The following HS6ST2 variants were observed in gnomAD, a reference collection of about 807,000 sequenced individuals.
HS6ST2 encodes heparan sulfate 6-O-sulfotransferase 2, also known as heparan-sulfate 6-O-sulfotransferase 2.
In HS6ST2, 17 loss-of-function variants were observed where a neutral mutation model predicts 33.0. The ratio of observed to expected loss-of-function variants is 0.52; its 90% CI spans 0.35 to 0.77. HS6ST2 has a LOEUF of 0.77. Ranked by LOEUF, HS6ST2 falls within the 30% of genes least tolerant of loss-of-function variation. The pLI is 0.01. For missense variants in HS6ST2, 519 were observed against 551.7 expected (o/e 0.94, Z 0.59); for synonymous variants, 248 against 237.1 (o/e 1.05, Z -0.42).
At chrX:132,669,050 A>C (rs763635565) in intron 4 of HS6ST2, 63 bp downstream of exon 4, 1 of 711,355 alleles carries the variant, frequency 1.4e-6, no homozygotes, top group South Asian at 2.5e-5. Flanking sequence ...AAATGACAAA[A>C]GGAGGACAGC....
In HS6ST2 at chrX:132,863,850, A is replaced by T. The variant is rs757895518; in HGVS notation, c.947+92958T>A. ...TAAAAATATCCATCAGTATGCAGAC[A>T]ATTAAATATTGAAGAAGGCTTACTA... On this transcript the variant is annotated intron_variant, in intron 2 of 4. Transcript: ENST00000370833. Among the ~76,000 whole-genome samples the T allele has an allele frequency of 3.6e-5, 4 of 111,757 alleles. No individual in the cohort carries two copies. The South Asian group carries it at 1.5e-3, about 43-fold the overall frequency.
intron 2 of HS6ST2, among the ~76,000 whole-genome samples, chrX:132,810,553 T>C (rs2065331403): frequency 2.7e-5 from 3 of 111,300 alleles, no homozygotes; most frequent in Admixed American, 9.6e-5. Flanking sequence ...ACTGCATTAG[T>C]GGACCCAGTG....
intron 2 of HS6ST2, among the ~76,000 whole-genome samples, chrX:132,891,421 CATGTGCACA>C (rs1308068474): frequency 2.9e-5 from 3 of 104,938 alleles, no homozygotes. Context: ...TTTTAGGGTA[CATGTGCACA>C]ATGTGCAGGT....
At chrX:132,719,962 CTG>C (rs1256951028) in intron 2 of HS6ST2, among the ~76,000 whole-genome samples, 1 of 112,511 alleles carries the variant, frequency 8.9e-6, no homozygotes, top group African/African-American at 3.2e-5. Flanking sequence ...GCCTGTCTGA[CTG>C]TGACATCCAA....
intron 2 of HS6ST2, among the ~76,000 whole-genome samples, chrX:132,807,664 C>G (rs776368671): frequency 1.8e-5 from 2 of 112,147 alleles, no homozygotes; most frequent in African/African-American, 6.5e-5. Flanking sequence ...ATTCAGGAAA[C>G]AGCTGATAGA....
intron 2 of HS6ST2, among the ~76,000 whole-genome samples, chrX:132,866,043 A>C (rs1399477480): frequency 2.7e-5 from 3 of 111,107 alleles, no homozygotes; most frequent in Non-Finnish European, 5.7e-5. Context: ...TTTAGACATG[A>C]AGTCCTTGCC....
intron 2 of HS6ST2, among the ~76,000 whole-genome samples, chrX:132,842,369 G>A (rs1207979738): frequency 2.7e-5 from 3 of 111,731 alleles, no homozygotes; most frequent in South Asian, 3.8e-4. Flanking sequence ...CATGTTCAGC[G>A]GATTGGTCCC....
chrX:132,882,322 C>T (rs1467520127), intron 2 of HS6ST2, among the ~76,000 whole-genome samples: 2 of 110,424 alleles, frequency 1.8e-5, no homozygotes, highest in African/African-American at 6.6e-5. Flanking sequence ...TTGTAGTTCT[C>T]CTTGAAGAGG....
chrX:132,906,227 T>A (rs1184702730), intron 2 of HS6ST2, among the ~76,000 whole-genome samples: 3 of 112,263 alleles, frequency 2.7e-5, no homozygotes, highest in Non-Finnish European at 5.6e-5. Context: ...TTCAAAGAGG[T>A]CTTGCATGGC....
At chrX:132,787,299 A>G (rs2148338369) in intron 2 of HS6ST2, among the ~76,000 whole-genome samples, 1 of 92,431 alleles carries the variant, frequency 1.1e-5, no homozygotes, top group East Asian at 3.3e-4. Context: ...TAATATATAT[A>G]TATATTTTTT....
chrX:132,635,562 C>A (rs187044574), intron 4 of HS6ST2, among the ~76,000 whole-genome samples: 2 of 111,687 alleles, frequency 1.8e-5, no homozygotes, highest in East Asian at 5.6e-4. Flanking sequence ...TCCCTCTATA[C>A]AAGTCTTTCT....
intron 2 of HS6ST2, among the ~76,000 whole-genome samples, chrX:132,894,495 GTTATGTT>G (rs1602831867): frequency 9.4e-6 from 1 of 106,882 alleles, no homozygotes; most frequent in African/African-American, 3.4e-5. Context: ...GTTATGTTAT[GTTATGTT>G]ATGTTATGTT....
intron 2 of HS6ST2, among the ~76,000 whole-genome samples, chrX:132,859,480 A>G (rs1468834731): frequency 9.1e-6 from 1 of 110,346 alleles, no homozygotes; most frequent in East Asian, 2.9e-4. Context: ...GAGGAAATGG[A>G]GAATTGGAGG....
chrX:132,804,792 C>T (rs996729159), intron 2 of HS6ST2, among the ~76,000 whole-genome samples: 7 of 111,343 alleles, frequency 6.3e-5, no homozygotes, highest in Non-Finnish European at 1.3e-4. Flanking sequence ...GAACAAGAAC[C>T]TATGTCAAAA....
chrX:132,865,293 C>G (rs1206279289), intron 2 of HS6ST2, among the ~76,000 whole-genome samples: 1 of 110,674 alleles, frequency 9.0e-6, no homozygotes, highest in African/African-American at 3.3e-5. Flanking sequence ...CATGTCCCTA[C>G]AAAGGACATG....
chrX:132,888,311 T>C (rs1433906204), intron 2 of HS6ST2, among the ~76,000 whole-genome samples: 1 of 111,333 alleles, frequency 9.0e-6, no homozygotes, highest in Non-Finnish European at 1.9e-5. Context: ...AGGGACATCT[T>C]ACATGGTGGC....
At chrX:132,772,726 G>A (rs2064913350) in intron 2 of HS6ST2, among the ~76,000 whole-genome samples, 1 of 89,496 alleles carries the variant, frequency 1.1e-5, no homozygotes, top group African/African-American at 4.2e-5. Context: ...TAAAAATATA[G>A]AACTACATTA....
At chrX:132,755,176 C>T (rs1484629535) in intron 2 of HS6ST2, among the ~76,000 whole-genome samples, 1 of 112,472 alleles carries the variant, frequency 8.9e-6, no homozygotes, top group East Asian at 2.8e-4. Flanking sequence ...TTAATTATAT[C>T]AGTATGGACT....
At chrX:132,633,877 ATC>A (rs2063536030) in intron 4 of HS6ST2, among the ~76,000 whole-genome samples, 1 of 111,753 alleles carries the variant, frequency 8.9e-6, no homozygotes, top group Admixed American at 9.5e-5. Context: ...GCTAAGCACG[ATC>A]TGACAAGCAA....
Sources: allele counts gnomAD v4.1 joint callset (sites outside exome capture counted in the v4.1 genomes callset), GRCh38; gene constraint gnomAD v4.1.1; transcripts MANE v1.5; gene names NCBI Gene and HGNC (gene_info 2026-07-23, HGNC 2026-07-21).